The following ABTB3 variants were observed in gnomAD, a reference collection of about 807,000 sequenced individuals.
ABTB3 encodes the protein ankyrin repeat and BTB domain containing 3, also known as ankyrin repeat- and BTB/POZ domain-containing protein 3.
chr12:107,649,529 G>A, the ABTB3 span: 1 of 478,798 alleles, frequency 2.1e-6, no homozygotes. Context: ...AGTAGCCACT[G>A]AGTGAAACCC....
chr12:107,587,416 G>T, the ABTB3 span, among the ~76,000 whole-genome samples: 1 of 152,196 alleles, frequency 6.6e-6, no homozygotes, highest in Non-Finnish European at 1.5e-5. Context: ...AACAGGGAAG[G>T]ATGCAAGAGA....
chr12:107,435,003 T>C, the ABTB3 span, among the ~76,000 whole-genome samples: 1 of 152,234 alleles, frequency 6.6e-6, no homozygotes, highest in South Asian at 2.1e-4. Flanking sequence ...GCATCATCCC[T>C]AGGCAGTCAC....
At chr12:107,481,963 C>T in the ABTB3 span, among the ~76,000 whole-genome samples, 1 of 146,146 alleles carries the variant, frequency 6.8e-6, no homozygotes, top group African/African-American at 2.5e-5. Flanking sequence ...TGTGAATGCA[C>T]CTGTGGGCTC....
At chr12:107,595,550 A>G in the ABTB3 span, among the ~76,000 whole-genome samples, 2 of 152,250 alleles carry the variant, frequency 1.3e-5, no homozygotes, top group Non-Finnish European at 2.9e-5. Context: ...CACCCTACGC[A>G]GTACCTGGCA....
At chr12:107,520,168 A>C in the ABTB3 span, 10 of 967,084 alleles carry the variant, frequency 1.0e-5, no homozygotes, top group Non-Finnish European at 1.2e-5. Flanking sequence ...GAGTCACAAG[A>C]AGTCACATCT....
At chr12:107,595,569 T>A in the ABTB3 span, among the ~76,000 whole-genome samples, 1 of 152,176 alleles carries the variant, frequency 6.6e-6, no homozygotes, top group African/African-American at 2.4e-5. Context: ...CATCTAATAG[T>A]TTGTTGACCA....
the ABTB3 span, among the ~76,000 whole-genome samples, chr12:107,369,400 T>TTC: frequency 1.3e-5 from 2 of 151,112 alleles, no homozygotes; most frequent in African/African-American, 4.9e-5. Context: ...GGGTTTTTTT[T>TTC]TTTTTTTTTC....
the ABTB3 span, among the ~76,000 whole-genome samples, chr12:107,399,920 G>C: frequency 6.6e-6 from 1 of 152,228 alleles, no homozygotes; most frequent in South Asian, 2.1e-4. Flanking sequence ...TCTCACTTAT[G>C]AGTAAGAACA....
chr12:107,465,441 C>T, the ABTB3 span, among the ~76,000 whole-genome samples: 1 of 152,248 alleles, frequency 6.6e-6, no homozygotes, highest in African/African-American at 2.4e-5. Flanking sequence ...TGAGCCTCTT[C>T]CTACCTTTAT....
chr12:107,649,604 G>T, the ABTB3 span: 24 of 338,982 alleles, frequency 7.1e-5, no homozygotes, highest in Admixed American at 6.4e-4. Context: ...AAAGTCTGAG[G>T]CTACAGCTGA....
chr12:107,473,316 G>A, the ABTB3 span, among the ~76,000 whole-genome samples: 4 of 151,918 alleles, frequency 2.6e-5, no homozygotes, highest in African/African-American at 4.8e-5. Flanking sequence ...CATTTCCCAC[G>A]TGTAATGCTG....
the ABTB3 span, among the ~76,000 whole-genome samples, chr12:107,325,323 G>T: frequency 2.6e-5 from 4 of 152,200 alleles, no homozygotes; most frequent in African/African-American, 9.7e-5. Flanking sequence ...CTGTTGAGCA[G>T]TGTTGCTGTG....
the ABTB3 span, among the ~76,000 whole-genome samples, chr12:107,579,068 G>A: frequency 0.12 from 17,967 of 152,264 alleles, 1,174 homozygotes; most frequent in African/African-American, 0.16. Context: ...GTCCTCTGGG[G>A]TGAGGCCCAC....
the ABTB3 span, among the ~76,000 whole-genome samples, chr12:107,553,772 C>A: frequency 6.6e-6 from 1 of 152,196 alleles, no homozygotes; most frequent in East Asian, 1.9e-4. Context: ...AACCCCATCT[C>A]TACTAAAAAT....
chr12:107,318,825 G>T, the ABTB3 span: 2 of 1,250,562 alleles, frequency 1.6e-6, no homozygotes, highest in African/African-American at 1.5e-5. Flanking sequence ...GCGGCTAGTG[G>T]AAAAGTGAGC....
At chr12:107,376,357 A>G in the ABTB3 span, among the ~76,000 whole-genome samples, 2 of 152,280 alleles carry the variant, frequency 1.3e-5, no homozygotes, top group East Asian at 1.9e-4. Context: ...CCTTGAGTAT[A>G]TATTTGATGA....
chr12:107,432,771 C>A, the ABTB3 span, among the ~76,000 whole-genome samples: 1 of 152,146 alleles, frequency 6.6e-6, no homozygotes, highest in Non-Finnish European at 1.5e-5. Flanking sequence ...TACAGACTTC[C>A]AGTGTCAGAA....
the ABTB3 span, among the ~76,000 whole-genome samples, chr12:107,618,579 C>T: frequency 6.6e-6 from 1 of 152,206 alleles, no homozygotes; most frequent in Non-Finnish European, 1.5e-5. Context: ...CACTCCGTGC[C>T]CATAGATAGC....
chr12:107,618,071 C>A, the ABTB3 span: 2 of 1,290,008 alleles, frequency 1.6e-6, no homozygotes, highest in Non-Finnish European at 2.2e-6. Flanking sequence ...GCTAGTGGTC[C>A]CCTGCTTCCC....
Sources: gnomAD v4.1 joint callset for allele counts (sites outside exome capture counted in the v4.1 genomes callset) on GRCh38, gnomAD v4.1.1 for gene constraint, MANE v1.5 for transcripts, NCBI Gene and HGNC (gene_info 2026-07-23, HGNC 2026-07-21) for gene names.